PLCB1: variants seen among roughly 807,000 people sequenced by gnomAD.
PLCB1 encodes phospholipase C beta 1.
PLCB1 carries 46 observed loss-of-function variants against 161.8 expected under a neutral mutation model. The ratio of observed to expected loss-of-function variants is 0.28; its 90% CI spans 0.22 to 0.36. PLCB1 has a LOEUF of 0.36. PLCB1 is among the 10% of genes least tolerant of loss of function. PLCB1 has a pLI of 1.00. For synonymous variants in PLCB1, 517 were observed against 503.7 expected (o/e 1.03, Z -0.35); for missense variants, 1,016 against 1,472.5 (o/e 0.69, Z 5.07).
chr20:8,231,594 G>GTGTTTCTTCTTTCCTTGCATCCTT (rs1254603961), intron 2 of PLCB1, among the ~76,000 whole-genome samples: 1 of 152,160 alleles, frequency 6.6e-6, no homozygotes, highest in African/African-American at 2.4e-5. Context: ...TTGTCAGCAG[G>GTGTTTCTTCTTTCCTTGCATCCTT]TGTTTCTTCT....
At chr20:8,221,445 T>C (rs1979403596) in intron 2 of PLCB1, among the ~76,000 whole-genome samples, 2 of 152,166 alleles carry the variant, frequency 1.3e-5, no homozygotes, top group South Asian at 4.1e-4. Flanking sequence ...AAATTGAAAG[T>C]GAGGAGCTTG....
intron 2 of PLCB1, among the ~76,000 whole-genome samples, chr20:8,153,133 G>A (rs891954992): frequency 1.3e-5 from 2 of 152,130 alleles, no homozygotes; most frequent in Non-Finnish European, 2.9e-5. Context: ...TAAAGCTAGC[G>A]AGTCATTTTT....
intron 2 of PLCB1, among the ~76,000 whole-genome samples, chr20:8,349,664 T>C (rs1286906265): frequency 6.6e-6 from 1 of 152,218 alleles, no homozygotes; most frequent in Non-Finnish European, 1.5e-5. Context: ...GCTGGCAGCA[T>C]TGCTAGTCAA....
In PLCB1 at chr20:8,443,182, A is replaced by G. The variant is rs931861307; in HGVS notation, c.246+71732A>G. Among the ~76,000 whole-genome samples the G allele has an allele frequency of 4.6e-5, 7 of 152,164 alleles. No homozygotes were observed. In the South Asian group the frequency reaches 1.0e-3, roughly 23 times the overall value. On this transcript the variant is annotated intron_variant, in intron 3 of 31. Transcript: ENST00000338037. ...TTTTTAGTAGAGATGGGGTTTCACC[A>G]TATTGGTCAGACTGGTCTTGAACTC...
At chr20:8,352,105 G>A (rs1186114533) in intron 2 of PLCB1, among the ~76,000 whole-genome samples, 2 of 152,048 alleles carry the variant, frequency 1.3e-5, no homozygotes, top group South Asian at 2.1e-4. Flanking sequence ...CCTTCAATAG[G>A]TGGACAGACA....
intron 2 of PLCB1, among the ~76,000 whole-genome samples, chr20:8,273,335 G>A (rs1982375360): frequency 6.6e-6 from 1 of 152,042 alleles, no homozygotes; most frequent in Non-Finnish European, 1.5e-5. Context: ...GGCTCTGATG[G>A]ACTTAAGTCT....
chr20:8,788,314 ATGTC>A, intron 27 of PLCB1, 131 bp from the exon 28 acceptor site: 1 of 736,568 alleles, frequency 1.4e-6, no homozygotes, highest in East Asian at 2.7e-5. Flanking sequence ...CCAATGTTAG[ATGTC>A]TGACAACTTT....
At chr20:8,830,978 C>T (rs1985952202) in intron 31 of PLCB1, among the ~76,000 whole-genome samples, 1 of 152,206 alleles carries the variant, frequency 6.6e-6, no homozygotes, top group South Asian at 2.1e-4. Context: ...TTGGCCCCCG[C>T]ATCTCTCTGC....
At position 8,882,226 on chromosome 20, in the gene PLCB1, A is replaced by T. The variant is rs911226044; in HGVS notation, c.*377A>T. ...GTGTAAAATATTTCAAAGTCATAGA[A>T]ATAGTTTGAGAAATGCATAGCATTA... is the stretch of plus-strand genomic sequence containing the variant. On this transcript the variant is annotated 3_prime_UTR_variant, in exon 32 of 32. Coordinates refer to ENST00000338037, the MANE Select transcript of PLCB1 (RefSeq NM_015192.4). The T allele has an allele frequency of 3.5e-5, 7 of 199,476 alleles. No individual in the cohort carries two copies. The South Asian group carries it at 6.7e-4, about 19-fold the overall frequency. The allele number at this position is 199,476 out of a possible 1,614,324, so 12.4% of individuals were successfully genotyped here. A position where few individuals can be genotyped will look rare whatever the true frequency, so the allele number is the denominator to read the frequency against.
intron 23 of PLCB1, chr20:8,750,730 T>A (rs1452923827): frequency 3.4e-6 from 2 of 584,928 alleles, no homozygotes; most frequent in South Asian, 3.2e-5. Flanking sequence ...TGTGCTCATG[T>A]TTGAAGAAGC....
rs1277542281 is a variant in PLCB1, at chr20:8,685,084, A to C, written c.1009+6A>C. On this transcript the variant is annotated splice_donor_region_variant and intron_variant, in intron 10 of 31. Transcript: ENST00000338037. ...GCACAACACCTACCTCACAGGTATG[A>C]ATTTTCTAGTTCTTTGTTACTTTAG... 1 of 1,612,806 alleles carries C rather than the reference A, an allele frequency of 6.2e-7. No individual in the cohort carries two copies. The highest frequency in any genetic ancestry group is 1.1e-5 in the South Asian group (1 of 91,006).
At chr20:8,778,613 G>A (rs1168075646) in intron 27 of PLCB1, among the ~76,000 whole-genome samples, 7 of 152,176 alleles carry the variant, frequency 4.6e-5, no homozygotes, top group Admixed American at 4.6e-4. Context: ...ACTGTTCAGA[G>A]GGACATAAAT....
chr20:8,362,459 T>C (rs1318709505), intron 2 of PLCB1, among the ~76,000 whole-genome samples: 2 of 152,346 alleles, frequency 1.3e-5, no homozygotes, highest in Middle Eastern at 3.4e-3. Flanking sequence ...CATGCAACTA[T>C]ACCATAAATA....
At chr20:8,190,835 GCAGC>G (rs2123108429) in intron 2 of PLCB1, among the ~76,000 whole-genome samples, 1 of 152,190 alleles carries the variant, frequency 6.6e-6, no homozygotes, top group African/African-American at 2.4e-5. Flanking sequence ...AGGTCATTCT[GCAGC>G]TTCAAATATT....
intron 31 of PLCB1, among the ~76,000 whole-genome samples, chr20:8,875,638 G>A (rs1355082933): frequency 1.3e-5 from 2 of 151,030 alleles, no homozygotes; most frequent in African/African-American, 4.8e-5. Context: ...TCCAAATTTT[G>A]AAAACCTTGC....
At chr20:8,588,117 A>G (rs746624749) in intron 3 of PLCB1, among the ~76,000 whole-genome samples, 6 of 152,222 alleles carry the variant, frequency 3.9e-5, no homozygotes, top group Non-Finnish European at 7.3e-5. Context: ...ATACATGCTT[A>G]TTGAATATAT....
At chr20:8,814,567 A>G (rs1429627953) in intron 31 of PLCB1, among the ~76,000 whole-genome samples, 1 of 135,188 alleles carries the variant, frequency 7.4e-6, no homozygotes, top group Non-Finnish European at 1.5e-5. Flanking sequence ...CACCTATGGT[A>G]TGTACTTGCA....
At chr20:8,775,471 G>A (rs993496318) in intron 27 of PLCB1, among the ~76,000 whole-genome samples, 1 of 152,164 alleles carries the variant, frequency 6.6e-6, no homozygotes, top group Non-Finnish European at 1.5e-5. Context: ...GGTTTTAAGA[G>A]ATATTTGTAT....
At chr20:8,676,609 A>G (rs978312090) in intron 9 of PLCB1, among the ~76,000 whole-genome samples, 12 of 152,222 alleles carry the variant, frequency 7.9e-5, no homozygotes, top group Non-Finnish European at 5.9e-5. Context: ...AATCTGCCTA[A>G]GAGGAAAGAC....
Sources: gnomAD v4.1 joint callset for allele counts (sites outside exome capture counted in the v4.1 genomes callset) on GRCh38, gnomAD v4.1.1 for gene constraint, MANE v1.5 for transcripts, NCBI Gene and HGNC (gene_info 2026-07-23, HGNC 2026-07-21) for gene names.